RAPGEF1: variants seen among roughly 807,000 people sequenced by gnomAD.
RAPGEF1 encodes CRK SH3-binding GNRP.
In RAPGEF1, 33 loss-of-function variants were observed where a neutral mutation model predicts 143.3. The observed-to-expected ratio is 0.23, with a 90% CI of 0.17 to 0.31. The LOEUF (loss-of-function observed/expected upper bound fraction) is 0.31, where lower values mean the gene tolerates loss of function less well. Among genes scored for constraint, RAPGEF1 ranks in the 10% least tolerant of loss-of-function variants. RAPGEF1 has a pLI of 1.00. For synonymous variants in RAPGEF1, 629 were observed against 676.5 expected (o/e 0.93, Z 1.09); for missense variants, 1,199 against 1,645.4 (o/e 0.73, Z 4.69).
intron 10 of RAPGEF1, 146 bp downstream of exon 10, chr9:131,625,776 C>T: frequency 1.8e-6 from 2 of 1,101,956 alleles, no homozygotes; most frequent in South Asian, 1.7e-5. Context: ...AAACCTGGCT[C>T]CCAGAAGTGT....
chr9:131,633,642 T>C (rs950510989), intron 5 of RAPGEF1, among the ~76,000 whole-genome samples: 1 of 151,906 alleles, frequency 6.6e-6, no homozygotes, highest in African/African-American at 2.4e-5. Flanking sequence ...TGTGCCCAAA[T>C]TCAAAGATGA....
At chr9:131,639,232 T>A (rs1192569035) in intron 4 of RAPGEF1, among the ~76,000 whole-genome samples, 1 of 151,696 alleles carries the variant, frequency 6.6e-6, no homozygotes, top group Non-Finnish European at 1.5e-5. Flanking sequence ...GCCGACAGGT[T>A]TGCGGAATTT....
At chr9:131,608,439 G>A (rs1957460157) in intron 12 of RAPGEF1, among the ~76,000 whole-genome samples, 1 of 152,226 alleles carries the variant, frequency 6.6e-6, no homozygotes, top group South Asian at 2.1e-4. Context: ...TTTTGAGTGT[G>A]GATGGGTAAG....
chr9:131,687,794 C>T (rs559710789), intron 1 of RAPGEF1, among the ~76,000 whole-genome samples: 19 of 152,252 alleles, frequency 1.2e-4, no homozygotes, highest in African/African-American at 4.3e-4. Flanking sequence ...TCCTCCACCC[C>T]CATGCCTTAA....
chr9:131,607,001 G>A (rs907616134), intron 12 of RAPGEF1, among the ~76,000 whole-genome samples: 1 of 152,120 alleles, frequency 6.6e-6, no homozygotes, highest in East Asian at 1.9e-4. Flanking sequence ...CAACCCTCTC[G>A]TTTCCACCTG....
intron 1 of RAPGEF1, among the ~76,000 whole-genome samples, chr9:131,653,872 A>G (rs1971736747): frequency 6.6e-6 from 1 of 152,392 alleles, no homozygotes; most frequent in Non-Finnish European, 1.5e-5. Flanking sequence ...AAAGGTGGGA[A>G]AAACTCAAAT....
chr9:131,728,319 T>C (rs1231296606), intron 1 of RAPGEF1, among the ~76,000 whole-genome samples: 1 of 152,190 alleles, frequency 6.6e-6, no homozygotes, highest in Non-Finnish European at 1.5e-5. Context: ...TCTGTGATCA[T>C]TTCACCTCCA....
intron 1 of RAPGEF1, among the ~76,000 whole-genome samples, chr9:131,670,980 C>T (rs1191743688): frequency 6.6e-6 from 1 of 152,164 alleles, no homozygotes; most frequent in African/African-American, 2.4e-5. Context: ...GACAGCCATC[C>T]CCCTTCCCTG....
chr9:131,603,921 A>G, intron 14 of RAPGEF1, 40 bp downstream of exon 14: 1 of 1,228,260 alleles, frequency 8.1e-7, no homozygotes, highest in East Asian at 5.7e-5. Flanking sequence ...AAGCCCCACC[A>G]GGCCAGGCCA....
At chr9:131,607,236 GGTACCTGTACAAGTGAA>G (rs1957260489) in intron 12 of RAPGEF1, among the ~76,000 whole-genome samples, 1 of 152,180 alleles carries the variant, frequency 6.6e-6, no homozygotes, top group Admixed American at 6.5e-5. Flanking sequence ...TGAACACTCA[GGTACCTGTACAAGTGAA>G]GTTCCCTTCA....
At chr9:131,590,863 T>C (rs1954109298) in intron 18 of RAPGEF1, among the ~76,000 whole-genome samples, 2 of 152,192 alleles carry the variant, frequency 1.3e-5, no homozygotes, top group Admixed American at 1.3e-4. Context: ...GTGTGGCTGC[T>C]CTCCCACCAA....
intron 15 of RAPGEF1, 40 bp from the exon 16 acceptor site, chr9:131,598,350 G>A: frequency 6.4e-7 from 1 of 1,558,792 alleles, no homozygotes; most frequent in Non-Finnish European, 8.8e-7. Context: ...TGTCAAACCG[G>A]CTCAGCTCCC....
intron 1 of RAPGEF1, chr9:131,710,067 G>A: frequency 2.0e-6 from 1 of 505,678 alleles, no homozygotes; most frequent in Non-Finnish European, 2.6e-6. Context: ...CTCCGCAGGA[G>A]AAATGGGGAA....
intron 18 of RAPGEF1, among the ~76,000 whole-genome samples, chr9:131,591,883 C>G (rs1954336863): frequency 6.6e-6 from 1 of 152,224 alleles, no homozygotes; most frequent in Non-Finnish European, 1.5e-5. Flanking sequence ...TTCACTCGGC[C>G]CTTTTAGAGA....
Position 131,587,036 on chromosome 9 carries a change from A to C in RAPGEF1, c.3233+700T>G, listed in dbSNP as rs1296746854. ...AACACACACACACACACACACACAC[A>C]CACCCCTGCAGAGCGAGACTCCGTC... On this transcript the variant is annotated intron_variant, in intron 22 of 26. Coordinates refer to ENST00000683357, the MANE Select transcript of RAPGEF1 (RefSeq NM_001377935.1). Among the ~76,000 whole-genome samples the C allele has an allele frequency of 1.3e-3, 137 of 106,228 alleles. 19 individuals carry two copies. The highest frequency in any genetic ancestry group is 4.9e-3 in the African/African-American group (120 of 24,632). The allele number at this position is 106,228 out of a possible 152,430, so 69.7% of individuals were successfully genotyped here. A position where few individuals can be genotyped will look rare whatever the true frequency, so the allele number is the denominator to read the frequency against.
rs1173231452 is a variant in RAPGEF1, at chr9:131,707,922, C to T, written c.61+31848G>A. ...CATAATCACATGAGCAACAGTTCCTCATTATAATCCACCATGGAGTTCATA... is the reference window on the plus strand; with the variant it reads ...CATAATCACATGAGCAACAGTTCCTTATTATAATCCACCATGGAGTTCATA... On this transcript the variant is annotated intron_variant, in intron 1 of 26. Transcript: ENST00000683357. Among the ~76,000 whole-genome samples, 3 of 152,212 alleles carry T rather than the reference C, an allele frequency of 2.0e-5. No individual in the cohort carries two copies. In the East Asian group the frequency reaches 5.8e-4, roughly 29 times the overall value.
chr9:131,731,463 T>C (rs532748048), intron 1 of RAPGEF1, among the ~76,000 whole-genome samples: 25 of 152,340 alleles, frequency 1.6e-4, no homozygotes, highest in African/African-American at 5.8e-4. Flanking sequence ...GTTTGCTCGT[T>C]TGGGGTCAGC....
chr9:131,582,624 G>T lies in RAPGEF1; in HGVS notation c.3493C>A (p.Pro1165Thr). The T allele has an allele frequency of 6.5e-7, 1 of 1,531,838 alleles. No homozygotes were observed. 94.9% of individuals were successfully genotyped at this position (1,531,838 alleles called of 1,614,324 possible). ...AYRAALSEVE[P>T]PCIPYLGLIL... ...ACTCACAGGTACGGGATGCACGGCG[G>T]TTCCACCTCCGAGAGGGCGGCCCGG... The change falls in exon 25 of 27, where the codon CCG (proline) becomes ACG (threonine). Residue 1165 changes from proline (P) to threonine (T), a missense_variant. Pro to Thr is a conservative substitution (Grantham distance 38). Transcript: ENST00000683357.
rs765748041 is a variant in RAPGEF1 at position 131,579,694 on chromosome 9, GA to G, written c.3642-48del. On this transcript the variant is annotated intron_variant, in intron 26 of 26. Transcript: ENST00000683357. Reference sequence around the variant, plus strand: ...AGTCAGTGAGCACCTGTGTGGGCTGGATGGCCCGATGGCGCCACCCTCCTGG... The same window carrying G: ...AGTCAGTGAGCACCTGTGTGGGCTGGTGGCCCGATGGCGCCACCCTCCTGG... 59 of 1,586,830 alleles carry G rather than the reference GA, an allele frequency of 3.7e-5. No homozygotes were observed. In the African/African-American group the frequency reaches 7.5e-4, roughly 20 times the overall value.
Sources: allele counts gnomAD v4.1 joint callset (sites outside exome capture counted in the v4.1 genomes callset), GRCh38; gene constraint gnomAD v4.1.1; transcripts MANE v1.5; gene names NCBI Gene and HGNC (gene_info 2026-07-23, HGNC 2026-07-21).